Variants in RUNX1 observed in about 807,000 individuals in gnomAD.
RUNX1 encodes the protein runt-related transcription factor 1.
RUNX1 carries 19 observed loss-of-function variants against 42.8 expected under a neutral mutation model. The observed-to-expected ratio is 0.44, with a 90% confidence interval of 0.31 to 0.65. The LOEUF (loss-of-function observed/expected upper bound fraction) is 0.65, where lower values mean the gene tolerates loss of function less well. Ranked by LOEUF, RUNX1 falls within the 30% of genes least tolerant of loss-of-function variation. RUNX1 has a pLI of 0.07. For synonymous variants in RUNX1, 271 were observed against 289.4 expected (o/e 0.94, Z 0.64); for missense variants, 528 against 672.0 (o/e 0.79, Z 2.37).
intron 2 of RUNX1, among the ~76,000 whole-genome samples, chr21:34,902,144 T>G (rs1409574311): frequency 6.6e-6 from 1 of 152,202 alleles, no homozygotes; most frequent in East Asian, 1.9e-4. Flanking sequence ...CCAAACAGAA[T>G]CATTTATTTG....
chr21:34,914,919 T>A (rs2058300420), intron 2 of RUNX1, among the ~76,000 whole-genome samples: 1 of 152,206 alleles, frequency 6.6e-6, no homozygotes, highest in Non-Finnish European at 1.5e-5. Context: ...CCAGGACATG[T>A]GATGATGGCA....
intron 2 of RUNX1, among the ~76,000 whole-genome samples, chr21:35,040,331 C>G (rs1003156859): frequency 2.0e-5 from 3 of 152,136 alleles, no homozygotes; most frequent in African/African-American, 7.2e-5. Flanking sequence ...CTTAGTTGAC[C>G]TAAACTCTCT....
At chr21:34,878,131 C>A (rs1601510897) in intron 5 of RUNX1, among the ~76,000 whole-genome samples, 1 of 137,546 alleles carries the variant, frequency 7.3e-6, no homozygotes. Flanking sequence ...TAAAATTAGT[C>A]AGAATGATCT....
chr21:35,049,081 C>G (rs956091640), intron 1 of RUNX1, 87 bp downstream of exon 1: 2 of 602,504 alleles, frequency 3.3e-6, no homozygotes, highest in East Asian at 2.8e-5. Flanking sequence ...AAAAATGCAC[C>G]TTTGTAAAAA....
At chr21:34,880,277 AT>A (rs1030675172) in intron 5 of RUNX1, among the ~76,000 whole-genome samples, 1 of 152,152 alleles carries the variant, frequency 6.6e-6, no homozygotes, top group African/African-American at 2.4e-5. Flanking sequence ...TATTTTTTGC[AT>A]TTTAGTAAAA....
intron 3 of RUNX1, among the ~76,000 whole-genome samples, chr21:34,890,126 G>T (rs960903952): frequency 6.6e-6 from 1 of 152,022 alleles, no homozygotes; most frequent in African/African-American, 2.4e-5. Flanking sequence ...GGGGGCCGGG[G>T]TTGACTGGCG....
At chr21:34,971,791 C>G (rs1302390632) in intron 2 of RUNX1, among the ~76,000 whole-genome samples, 1 of 152,116 alleles carries the variant, frequency 6.6e-6, no homozygotes, top group African/African-American at 2.4e-5. Flanking sequence ...CCATGAATTG[C>G]AACAATCAAA....
intron 2 of RUNX1, among the ~76,000 whole-genome samples, chr21:35,034,536 A>G (rs1377952388): frequency 6.6e-6 from 1 of 152,260 alleles, no homozygotes; most frequent in African/African-American, 2.4e-5. Flanking sequence ...TGGTTCTCCA[A>G]AAAACATTCC....
chr21:34,871,243 AC>A (rs1207720378), intron 5 of RUNX1, among the ~76,000 whole-genome samples: 1 of 151,996 alleles, frequency 6.6e-6, no homozygotes, highest in African/African-American at 2.4e-5. Context: ...ACCTACAGCA[AC>A]TCGTGAGCTC....
At chr21:34,875,071 G>A (rs1371363685) in intron 5 of RUNX1, among the ~76,000 whole-genome samples, 1 of 152,210 alleles carries the variant, frequency 6.6e-6, no homozygotes, top group Non-Finnish European at 1.5e-5. Flanking sequence ...TAAAAAAGCT[G>A]TGTGACGCCA....
chr21:34,895,212 A>G (rs1337150510), intron 2 of RUNX1, among the ~76,000 whole-genome samples: 1 of 152,192 alleles, frequency 6.6e-6, no homozygotes, highest in East Asian at 1.9e-4. Flanking sequence ...TTATATTGAT[A>G]ATAATATAAA....
chr21:34,858,324 A>G (rs2057523673), intron 6 of RUNX1, among the ~76,000 whole-genome samples: 1 of 152,150 alleles, frequency 6.6e-6, no homozygotes, highest in South Asian at 2.1e-4. Flanking sequence ...TCTAGAGGGG[A>G]CTGGAGCAGT....
At chr21:35,037,971 C>T (rs1440729707) in intron 2 of RUNX1, among the ~76,000 whole-genome samples, 1 of 150,480 alleles carries the variant, frequency 6.6e-6, no homozygotes. Context: ...GGAACAGCTT[C>T]GGGGCCACGT....
chr21:34,837,037 A>G (rs1284702074), intron 6 of RUNX1, among the ~76,000 whole-genome samples: 1 of 152,168 alleles, frequency 6.6e-6, no homozygotes, highest in East Asian at 1.9e-4. Context: ...CCTCATTACT[A>G]TATACTTAGA....
At chr21:34,894,004 G>C (rs548993520) in intron 2 of RUNX1, among the ~76,000 whole-genome samples, 87 of 152,264 alleles carry the variant, frequency 5.7e-4, no homozygotes, top group African/African-American at 2.0e-3. Flanking sequence ...AAACGAGATT[G>C]TGGTTCACAA....
In RUNX1 at chr21:34,821,515, A is replaced by T. The variant is rs575452049; in HGVS notation, c.805+12895T>A. ...GACGGTTTGCAGAGGGGGAGAAGGG[A>T]CACGGAGGAATTACAGACCCACATT... is the stretch of plus-strand genomic sequence containing the variant. On this transcript the variant is annotated intron_variant, in intron 7 of 8. Coordinates refer to ENST00000675419, the MANE Select transcript of RUNX1 (RefSeq NM_001754.5). 25 of 1,503,222 alleles carry T rather than the reference A, an allele frequency of 1.7e-5. No individual in the cohort carries two copies. The African/African-American group carries it at 3.3e-4, about 20-fold the overall frequency. The allele number at this position is 1,503,222 out of a possible 1,614,324, so 93.1% of individuals were successfully genotyped here. A position where few individuals can be genotyped will look rare whatever the true frequency, so the allele number is the denominator to read the frequency against.
chr21:34,875,807 C>T (rs1433490714), intron 5 of RUNX1, among the ~76,000 whole-genome samples: 1 of 152,152 alleles, frequency 6.6e-6, no homozygotes, highest in Non-Finnish European at 1.5e-5. Flanking sequence ...ATGTACCTTC[C>T]CTTCCTCTTG....
chr21:34,890,398 G>A (rs2058067172), intron 3 of RUNX1, among the ~76,000 whole-genome samples: 1 of 152,212 alleles, frequency 6.6e-6, no homozygotes, highest in Admixed American at 6.5e-5. Flanking sequence ...GCGCGTTTCC[G>A]AGGTTCCAAT....
At chr21:34,926,963 G>C (rs2058400113) in intron 2 of RUNX1, among the ~76,000 whole-genome samples, 1 of 152,176 alleles carries the variant, frequency 6.6e-6, no homozygotes, top group African/African-American at 2.4e-5. Context: ...TTCTCTCACT[G>C]CATTTCCTTT....
Sources: gnomAD v4.1 joint callset for allele counts (sites outside exome capture counted in the v4.1 genomes callset) on GRCh38, gnomAD v4.1.1 for gene constraint, MANE v1.5 for transcripts, NCBI Gene and HGNC (gene_info 2026-07-23, HGNC 2026-07-21) for gene names.